Variants in EHF observed in about 807,000 individuals in gnomAD.
EHF encodes ESE3 transcription factor.
EHF carries 14 observed loss-of-function variants against 45.1 expected under a neutral mutation model. The ratio of observed to expected loss-of-function variants is 0.31; its 90% confidence interval spans 0.21 to 0.49. EHF has a LOEUF of 0.49. EHF is among the 20% of genes least tolerant of loss of function. EHF has a pLI of 0.99. For synonymous variants in EHF, 136 were observed against 131.8 expected, an observed-to-expected ratio of 1.03 and a Z score of -0.22; for missense variants, 282 against 371.4, an observed-to-expected ratio of 0.76 and a Z score of 1.98.
At chr11:34,627,112 TTG>T (rs6144298) in intron 1 of EHF, among the ~76,000 whole-genome samples, 14,273 of 148,542 alleles carry the variant, frequency 0.096, 937 homozygotes, top group African/African-American at 0.18. Flanking sequence ...GGATTTTGGT[TTG>T]TGTGTGTGTG....
intron 1 of EHF, among the ~76,000 whole-genome samples, chr11:34,626,178 A>G (rs188402905): frequency 1.8e-4 from 27 of 152,276 alleles, no homozygotes; most frequent in African/African-American, 6.0e-4. Flanking sequence ...CCCACTTTCT[A>G]TCACAGAAGC....
At chr11:34,633,129 A>G (rs1287004646) in intron 1 of EHF, among the ~76,000 whole-genome samples, 1 of 152,182 alleles carries the variant, frequency 6.6e-6, no homozygotes, top group Non-Finnish European at 1.5e-5. Context: ...TGCAAGCGCT[A>G]TATTCTGGGG....
intron 1 of EHF, among the ~76,000 whole-genome samples, chr11:34,623,894 G>A (rs1382682245): frequency 6.6e-6 from 1 of 152,166 alleles, no homozygotes; most frequent in African/African-American, 2.4e-5. Flanking sequence ...ATCAAACACA[G>A]ACATAGAAGC....
At chr11:34,644,666 G>A (rs1201613247) in intron 2 of EHF, among the ~76,000 whole-genome samples, 1 of 152,144 alleles carries the variant, frequency 6.6e-6, no homozygotes, top group African/African-American at 2.4e-5. Flanking sequence ...AGGAAGAAGA[G>A]GGATTGGGTC....
chr11:34,622,593 A>T (rs1477708807), intron 1 of EHF, among the ~76,000 whole-genome samples: 1 of 152,178 alleles, frequency 6.6e-6, no homozygotes, highest in Non-Finnish European at 1.5e-5. Context: ...CTCTTAAGAG[A>T]TTTTAAGGAT....
chr11:34,645,627 T>C (rs1270750318), intron 2 of EHF, among the ~76,000 whole-genome samples: 2 of 152,204 alleles, frequency 1.3e-5, no homozygotes, highest in African/African-American at 4.8e-5. Flanking sequence ...AGTGAGCCCT[T>C]GAAGCAAGTT....
intron 1 of EHF, among the ~76,000 whole-genome samples, chr11:34,634,971 A>G (rs1445059436): frequency 2.0e-5 from 3 of 152,022 alleles, no homozygotes; most frequent in Non-Finnish European, 4.4e-5. Flanking sequence ...TTCTTTCTAA[A>G]CTGTGTGACC....
At chr11:34,632,175 G>T (rs1281069483) in intron 1 of EHF, among the ~76,000 whole-genome samples, 1 of 152,136 alleles carries the variant, frequency 6.6e-6, no homozygotes, top group African/African-American at 2.4e-5. Context: ...CAGGCTGTTT[G>T]GGCAGATGCC....
At chr11:34,630,199 CA>C (rs1852749072) in intron 1 of EHF, among the ~76,000 whole-genome samples, 1 of 152,184 alleles carries the variant, frequency 6.6e-6, no homozygotes, top group African/African-American at 2.4e-5. Flanking sequence ...TTTAGAAACA[CA>C]AGGATCCATT....
At position 34,656,984 on chromosome 11, in the gene EHF, C is replaced by T; in HGVS notation, c.607+14C>T. 2 of 1,613,070 alleles carry T rather than the reference C, an allele frequency of 1.2e-6. No individual in the cohort carries two copies. Among genetic ancestry groups the T allele is most frequent in the East Asian group, 2.2e-5 (1 of 44,734 alleles). ...CCAAAAAGCACAGTAAGTTGGCTGG[C>T]TTTCAGATGGCCTTTGGTCCTTCCC... is the stretch of plus-strand genomic sequence containing the variant. On this transcript the variant is annotated intron_variant, in intron 7 of 8. Transcript: ENST00000257831.
At chr11:34,647,085 C>A (rs1245085902) in intron 3 of EHF, among the ~76,000 whole-genome samples, 4 of 112,572 alleles carry the variant, frequency 3.6e-5, no homozygotes, top group East Asian at 4.9e-4. Flanking sequence ...CAAAACAAAA[C>A]CCCCCCCACA....
intron 2 of EHF, among the ~76,000 whole-genome samples, chr11:34,642,969 G>A (rs547724024): frequency 1.3e-5 from 2 of 152,298 alleles, no homozygotes; most frequent in Admixed American, 6.5e-5. Flanking sequence ...CAGCCTGGCA[G>A]TGAAGGGGGG....
intron 2 of EHF, among the ~76,000 whole-genome samples, chr11:34,644,240 C>G (rs1354470681): frequency 6.6e-6 from 1 of 152,142 alleles, no homozygotes; most frequent in Non-Finnish European, 1.5e-5. Context: ...TTGTCAAAAC[C>G]AGAGCTGTAC....
chr11:34,642,895 T>A (rs1317494178), intron 2 of EHF, among the ~76,000 whole-genome samples, 168 bp downstream of exon 2: 1 of 152,208 alleles, frequency 6.6e-6, no homozygotes, highest in Non-Finnish European at 1.5e-5. Flanking sequence ...CCCCCAGCGT[T>A]CCAGACAAAA....
At chr11:34,657,709 G>A (rs1046787781) in intron 7 of EHF, among the ~76,000 whole-genome samples, 2 of 151,834 alleles carry the variant, frequency 1.3e-5, no homozygotes, top group African/African-American at 4.8e-5. Flanking sequence ...AGGATTGCTT[G>A]AGCCAGGGAG....
At chr11:34,648,663 G>T (rs930727555) in intron 3 of EHF, among the ~76,000 whole-genome samples, 1 of 152,112 alleles carries the variant, frequency 6.6e-6, no homozygotes, top group African/African-American at 2.4e-5. Context: ...GTTTAATCTT[G>T]TTACAGATGG....
chr11:34,624,507 GCAAA>G (rs1390709584), intron 1 of EHF, among the ~76,000 whole-genome samples: 2 of 152,172 alleles, frequency 1.3e-5, no homozygotes, highest in African/African-American at 2.4e-5. Flanking sequence ...GTTCTAAAGA[GCAAA>G]CAATCTTGCT....
chr11:34,638,927 C>T (rs1853715235), intron 1 of EHF, among the ~76,000 whole-genome samples: 1 of 152,112 alleles, frequency 6.6e-6, no homozygotes, highest in East Asian at 1.9e-4. Flanking sequence ...TAGAGGAACA[C>T]CTTGAGAATT....
At chr11:34,639,231 AT>A (rs139694403) in intron 1 of EHF, among the ~76,000 whole-genome samples, 9,339 of 150,222 alleles carry the variant, frequency 0.062, 479 homozygotes, top group South Asian at 0.25. Flanking sequence ...ATTTGATGGT[AT>A]TTTTTTTTTA....
Sources: gnomAD v4.1 joint callset for allele counts (sites outside exome capture counted in the v4.1 genomes callset) on GRCh38, gnomAD v4.1.1 for gene constraint, MANE v1.5 for transcripts, NCBI Gene and HGNC (gene_info 2026-07-23, HGNC 2026-07-21) for gene names.